BEGAIN: variants seen among roughly 807,000 people sequenced by gnomAD.
The protein encoded by BEGAIN is brain-enriched guanylate kinase-associated protein.
Under a neutral mutation model 35.8 loss-of-function variants are expected in BEGAIN, and 19 were observed. The ratio of observed to expected loss-of-function variants is 0.53; its 90% CI spans 0.37 to 0.78. The LOEUF (loss-of-function observed/expected upper bound fraction) is 0.78. BEGAIN is among the 30% of genes least tolerant of loss of function. The pLI, the probability that BEGAIN is intolerant of heterozygous loss-of-function variation, is 0.00. For missense variants in BEGAIN, 795 were observed against 853.6 expected, an observed-to-expected ratio of 0.93 and a Z score of 0.85; for synonymous variants, 462 against 388.6, an observed-to-expected ratio of 1.19 and a Z score of -2.22.
chr14:100,559,526 C>T (rs1051282538), intron 2 of BEGAIN, among the ~76,000 whole-genome samples: 4 of 152,246 alleles, frequency 2.6e-5, no homozygotes, highest in Non-Finnish European at 4.4e-5. Flanking sequence ...TTCAGCACTT[C>T]GATTGCTGGC....
chr14:100,540,034 A>G, intron 6 of BEGAIN: 1 of 163,964 alleles, frequency 6.1e-6, no homozygotes, highest in Non-Finnish European at 1.3e-5. Context: ...TGCCCTTGGC[A>G]TCAGACAGGC....
At chr14:100,542,875 G>C (rs1480778968) in intron 5 of BEGAIN, among the ~76,000 whole-genome samples, 4 of 152,202 alleles carry the variant, frequency 2.6e-5, no homozygotes, top group Admixed American at 2.0e-4. Flanking sequence ...TTGCTCCTCT[G>C]TTTTCAGAAC....
intron 1 of BEGAIN, among the ~76,000 whole-genome samples, chr14:100,585,224 CA>C (rs2035410187): frequency 8.0e-6 from 1 of 125,446 alleles, no homozygotes; most frequent in Non-Finnish European, 1.7e-5. Flanking sequence ...TCCATCCATC[CA>C]TCCATCCCTC....
rs543202402 is a variant in BEGAIN, at chr14:100,563,246, C to T, written c.71+4665G>A. ...TGGGTGTCCTTGTGCAAAACCAAAA[C>T]CAGAACCAAAAAGGAGCTCAACCTT... On this transcript the variant is annotated intron_variant, in intron 2 of 6. Coordinates refer to ENST00000554140, the MANE Select transcript of BEGAIN (RefSeq NM_001385089.1). The surrounding 1 kb of genome is among the most constrained non-coding windows in gnomAD (Gnocchi z 4.2). 5.5e-4 allele frequency among the ~76,000 whole-genome samples: 84 copies of T among 152,278 alleles called. No individual in the cohort carries two copies. Among genetic ancestry groups the T allele is most frequent in the Admixed American group, 2.2e-3 (33 of 15,304 alleles).
intron 1 of BEGAIN, among the ~76,000 whole-genome samples, chr14:100,572,374 G>A (rs1012850627): frequency 6.6e-6 from 1 of 152,172 alleles, no homozygotes; most frequent in Non-Finnish European, 1.5e-5. Flanking sequence ...TCTGCAGGGG[G>A]CCTGCCAGGT....
At chr14:100,556,865 G>A (rs2139607175) in intron 2 of BEGAIN, among the ~76,000 whole-genome samples, 2 of 152,288 alleles carry the variant, frequency 1.3e-5, no homozygotes, top group East Asian at 1.9e-4. Context: ...GCCGCCCGGG[G>A]CAGCAGGCTA....
At position 100,563,562 on chromosome 14, in the gene BEGAIN, G is replaced by A. The variant is rs1029659777; in HGVS notation, c.71+4349C>T. 5.3e-5 allele frequency among the ~76,000 whole-genome samples: 8 copies of A among 152,236 alleles called. No individual in the cohort carries two copies. The highest frequency in any genetic ancestry group is 2.1e-4 in the South Asian group (1 of 4,830). On this transcript the variant is annotated intron_variant, in intron 2 of 6. Transcript: ENST00000554140. The surrounding 1 kb of genome is among the most constrained non-coding windows in gnomAD (Gnocchi z 4.2). ...GTAGAAAATGCGCACGGCCTTCGCC[G>A]GTGAGGAAACCCAGCGGGCAGCAAA... is the stretch of plus-strand genomic sequence containing the variant.
In BEGAIN at chr14:100,537,741, A is replaced by T; in HGVS notation, c.*228T>A. 1 of 529,194 alleles carries T rather than the reference A, an allele frequency of 1.9e-6. No homozygotes were observed. Among genetic ancestry groups the T allele is most frequent in the Non-Finnish European group, 3.1e-6 (1 of 318,184 alleles). The allele number at this position is 529,194 out of a possible 1,614,324, so 32.8% of individuals were successfully genotyped here. ...CACATGGGGGAAGGACGCGTGAAAA[A>T]CGCTCTAAGTGGAGTTCCACGGGCC... On this transcript the variant is annotated 3_prime_UTR_variant, in exon 7 of 7. Transcript: ENST00000554140.
chr14:100,565,419 C>T (rs1483005764), intron 2 of BEGAIN, among the ~76,000 whole-genome samples: 1 of 152,142 alleles, frequency 6.6e-6, no homozygotes, highest in African/African-American at 2.4e-5. Flanking sequence ...TGTACACCTG[C>T]CCACCAAAGG....
rs933211401 is a variant in BEGAIN at position 100,558,534 on chromosome 14, G to A, written c.71+9377C>T. ...AGCCAGCAAATACCATCTCTCTGCT[G>A]AGGCCCCCACATTGGCTGCTCCCCA... On this transcript the variant is annotated intron_variant, in intron 2 of 6. Transcript: ENST00000554140. This position sits in a 1 kb window ranked among gnomAD's most constrained non-coding sequence, Gnocchi z 4.6. Among the ~76,000 whole-genome samples, 1 of 152,148 alleles carries A rather than the reference G, an allele frequency of 6.6e-6. No homozygotes were observed. Among genetic ancestry groups the A allele is most frequent in the South Asian group, 2.1e-4 (1 of 4,826 alleles).
In BEGAIN at chr14:100,568,964, A is replaced by G. The variant is rs2139728409; in HGVS notation, c.43-1025T>C. The G allele has an allele frequency of 1.0e-6, 1 of 982,572 alleles. No individual in the cohort carries two copies. The allele number at this position is 982,572 out of a possible 1,614,324, so 60.9% of individuals were successfully genotyped here. On this transcript the variant is annotated intron_variant, in intron 1 of 6. Coordinates refer to ENST00000554140, the MANE Select transcript of BEGAIN (RefSeq NM_001385089.1). The surrounding 1 kb of genome is among the most constrained non-coding windows in gnomAD (Gnocchi z 7.5). ...GGGCGCCGCCGCCGCGTCCGCCGGG[A>G]GCGCGCTCCGCTCGGGTCCGGGCCC...
intron 2 of BEGAIN, among the ~76,000 whole-genome samples, chr14:100,553,697 C>T (rs1364545908): frequency 6.6e-6 from 1 of 152,162 alleles, no homozygotes; most frequent in African/African-American, 2.4e-5. Flanking sequence ...AAGTCTTTCT[C>T]GGTTCCCCCT....
chr14:100,580,369 A>G (rs538700176), intron 1 of BEGAIN, among the ~76,000 whole-genome samples: 61 of 152,238 alleles, frequency 4.0e-4, no homozygotes, highest in African/African-American at 1.4e-3. Flanking sequence ...ACAACGTCAC[A>G]CCTTCATATA....
chr14:100,569,730 ACACC>A (rs1450445763), intron 1 of BEGAIN: 1 of 154,692 alleles, frequency 6.5e-6, no homozygotes, highest in Non-Finnish European at 1.5e-5. Context: ...CCATCCACGG[ACACC>A]CACTCGTTCA....
Position 100,563,205 on chromosome 14 carries a change from G to A in BEGAIN, c.71+4706C>T, listed in dbSNP as rs527740186. On this transcript the variant is annotated intron_variant, in intron 2 of 6. Transcript: ENST00000554140. The surrounding 1 kb of genome is among the most constrained non-coding windows in gnomAD (Gnocchi z 4.2). ...ACCGGTCATAGGAGTGAAGGAGAGAGTGTGGCCCGAACACCTGGGTGTCCT... is the reference window on the plus strand; with the variant it reads ...ACCGGTCATAGGAGTGAAGGAGAGAATGTGGCCCGAACACCTGGGTGTCCT... 6.6e-6 allele frequency among the ~76,000 whole-genome samples: 1 copy of A among 152,352 alleles called. No homozygotes were observed. The highest frequency in any genetic ancestry group is 2.4e-5 in the African/African-American group (1 of 41,586).
intron 2 of BEGAIN, among the ~76,000 whole-genome samples, chr14:100,564,378 T>C (rs1309106975): frequency 6.6e-6 from 1 of 151,778 alleles, no homozygotes; most frequent in African/African-American, 2.4e-5. Flanking sequence ...GACCCACTTC[T>C]CTGTTTGACA....
rs2030816988 is a variant in BEGAIN, at chr14:100,537,967, G to A, written c.*2C>T. On this transcript the variant is annotated 3_prime_UTR_variant, in exon 7 of 7. Coordinates refer to ENST00000554140, the MANE Select transcript of BEGAIN (RefSeq NM_001385089.1). ...ACCACGGCCAGGCCTGCACGCAGGCGCTCAGTTGAGCAAGGTTCCGTAGAG... is the reference window on the plus strand; with the variant it reads ...ACCACGGCCAGGCCTGCACGCAGGCACTCAGTTGAGCAAGGTTCCGTAGAG... The A allele has an allele frequency of 6.2e-7, 1 of 1,603,970 alleles. No homozygotes were observed. Among genetic ancestry groups the A allele is most frequent in the Non-Finnish European group, 8.5e-7 (1 of 1,176,488 alleles).
At chr14:100,580,930 G>A (rs959221588) in intron 1 of BEGAIN, among the ~76,000 whole-genome samples, 2 of 152,086 alleles carry the variant, frequency 1.3e-5, no homozygotes, top group South Asian at 2.1e-4. Flanking sequence ...TCAGGCTCTC[G>A]GGAGGCCACA....
chr14:100,543,306 G>GTTTT (rs541134086), intron 5 of BEGAIN, among the ~76,000 whole-genome samples: 6 of 139,744 alleles, frequency 4.3e-5, no homozygotes, highest in African/African-American at 1.6e-4. Context: ...TTTTTTTTTT[G>GTTTT]TTTTTTTTTT....
Sources: gnomAD v4.1 joint callset for allele counts (sites outside exome capture counted in the v4.1 genomes callset) on GRCh38, gnomAD v4.1.1 for gene constraint, Gnocchi (gnomAD v3.1) non-coding constraint, MANE v1.5 for transcripts, NCBI Gene and HGNC (gene_info 2026-07-23, HGNC 2026-07-21) for gene names.